RBX1: variants seen among roughly 807,000 people sequenced by gnomAD.
The protein encoded by RBX1 is E3 ubiquitin-protein ligase RBX1.
For missense variants in RBX1, 46 were observed against 141.4 expected (o/e 0.33, Z 3.42); for synonymous variants, 48 against 47.9 (o/e 1.00, Z -0.01).
At chr22:40,954,853 C>T (rs1292189412) in intron 2 of RBX1, among the ~76,000 whole-genome samples, 1 of 151,804 alleles carries the variant, frequency 6.6e-6, no homozygotes, top group Non-Finnish European at 1.5e-5. Context: ...GTGGCGTGAT[C>T]TCAGCTCACT....
At chr22:40,952,456 A>G (rs1272763248) in intron 1 of RBX1, among the ~76,000 whole-genome samples, 2 of 152,212 alleles carry the variant, frequency 1.3e-5, no homozygotes, top group African/African-American at 2.4e-5. Flanking sequence ...CTGCTCAGTT[A>G]CAGCCAGCAG....
intron 2 of RBX1, among the ~76,000 whole-genome samples, chr22:40,955,501 C>A (rs1297005465): frequency 6.6e-6 from 1 of 150,890 alleles, no homozygotes; most frequent in Non-Finnish European, 1.5e-5. Flanking sequence ...TTTACTTCAA[C>A]ATGTAATTGA....
In RBX1 at chr22:40,951,393, T is replaced by C; in HGVS notation, c.-6T>C. On this transcript the variant is annotated 5_prime_UTR_variant, in exon 1 of 5. Transcript: ENST00000216225. ...GTGGTCGGACGACAGACCGTGTGTT[T>C]CCAAAATGGCGGCAGCGATGGATGT... 6.2e-7 allele frequency: 1 copy of C among 1,612,530 alleles called. No individual in the cohort carries two copies. The highest frequency in any genetic ancestry group is 8.5e-7 in the Non-Finnish European group (1 of 1,179,112).
At chr22:40,952,309 C>T (rs1601533164) in intron 1 of RBX1, among the ~76,000 whole-genome samples, 1 of 152,244 alleles carries the variant, frequency 6.6e-6, no homozygotes, top group East Asian at 1.9e-4. Flanking sequence ...TTTGGGAGAA[C>T]AGTATCGATT....
intron 2 of RBX1, among the ~76,000 whole-genome samples, chr22:40,955,011 T>C (rs2058321397): frequency 6.6e-6 from 1 of 152,156 alleles, no homozygotes; most frequent in Non-Finnish European, 1.5e-5. Context: ...GGCCTCGAAC[T>C]CCTGACCTCG....
chr22:40,953,198 C>T (rs2058316169), intron 1 of RBX1, among the ~76,000 whole-genome samples: 2 of 152,080 alleles, frequency 1.3e-5, no homozygotes, highest in Non-Finnish European at 2.9e-5. Context: ...GCCATGTTGG[C>T]CAGGCTGGTC....
At chr22:40,965,108 C>G (rs545510084) in intron 3 of RBX1, among the ~76,000 whole-genome samples, 1 of 152,220 alleles carries the variant, frequency 6.6e-6, no homozygotes, top group African/African-American at 2.4e-5. Context: ...ATGGAGACAT[C>G]CTGGCTAACA....
intron 2 of RBX1, among the ~76,000 whole-genome samples, chr22:40,958,774 T>TTTGG (rs1555894158): frequency 6.9e-6 from 1 of 144,706 alleles, no homozygotes; most frequent in African/African-American, 2.5e-5. Flanking sequence ...TCCATCAGTA[T>TTTGG]TTTGGTTTGG....
At chr22:40,952,037 G>A (rs1248947414) in intron 1 of RBX1, among the ~76,000 whole-genome samples, 1 of 152,120 alleles carries the variant, frequency 6.6e-6, no homozygotes, top group Non-Finnish European at 1.5e-5. Flanking sequence ...GTTAGAGTCT[G>A]GAGTGTAATG....
In RBX1 at chr22:40,972,646, G is replaced by A. The variant is rs2058372214; in HGVS notation, c.*158G>A. 2 of 613,712 alleles carry A rather than the reference G, an allele frequency of 3.3e-6. 1 individual carries two copies. The highest frequency in any genetic ancestry group is 3.9e-5 in the South Asian group (2 of 51,204). The allele number at this position is 613,712 out of a possible 1,614,324, so 38.0% of individuals were successfully genotyped here. A position where few individuals can be genotyped will look rare whatever the true frequency, so the allele number is the denominator to read the frequency against. ...CATATTGTATTCTGTGTCAAATAAA[G>A]TCCAGTTGGATTCTGGAACGGATGC... On this transcript the variant is annotated 3_prime_UTR_variant, in exon 5 of 5. Coordinates refer to ENST00000216225, the MANE Select transcript of RBX1 (RefSeq NM_014248.4).
At chr22:40,959,121 A>G (rs930090872) in intron 2 of RBX1, among the ~76,000 whole-genome samples, 2 of 152,040 alleles carry the variant, frequency 1.3e-5, no homozygotes, top group Non-Finnish European at 2.9e-5. Context: ...CGGCCCCGTC[A>G]GTGTTTTGAA....
At chr22:40,960,739 C>A (rs1374807397) in intron 2 of RBX1, among the ~76,000 whole-genome samples, 1 of 152,036 alleles carries the variant, frequency 6.6e-6, no homozygotes. Context: ...TTCTTAAATA[C>A]ACTGCATAGA....
At chr22:40,954,190 A>T (rs1176336989) in intron 2 of RBX1, among the ~76,000 whole-genome samples, 1 of 151,342 alleles carries the variant, frequency 6.6e-6, no homozygotes, top group Non-Finnish European at 1.5e-5. Context: ...AATTGCTTGA[A>T]CCTGGGAGGC....
At chr22:40,972,093 TCAGGG>T (rs942463158) in intron 4 of RBX1, among the ~76,000 whole-genome samples, 1 of 152,140 alleles carries the variant, frequency 6.6e-6, no homozygotes, top group African/African-American at 2.4e-5. Context: ...GCCGCCATGA[TCAGGG>T]CAGCCCGAAA....
chr22:40,953,085 G>T (rs1001280378), intron 1 of RBX1, among the ~76,000 whole-genome samples: 2 of 139,260 alleles, frequency 1.4e-5, no homozygotes, highest in African/African-American at 5.2e-5. Context: ...CCGTCCCCCA[G>T]ATTCAAGCGA....
chr22:40,971,881 A>T (rs1033480535), intron 4 of RBX1, among the ~76,000 whole-genome samples: 7 of 152,074 alleles, frequency 4.6e-5, no homozygotes, highest in Admixed American at 6.6e-5. Flanking sequence ...TAATCTTCTT[A>T]GAGCCAAATT....
intron 3 of RBX1, chr22:40,964,434 C>A (rs2058348627): frequency 8.6e-6 from 2 of 231,302 alleles, no homozygotes; most frequent in South Asian, 1.2e-4. Flanking sequence ...CGTGGTAGAA[C>A]TTTGTACCTT....
At chr22:40,959,252 C>T (rs1438285241) in intron 2 of RBX1, among the ~76,000 whole-genome samples, 1 of 152,306 alleles carries the variant, frequency 6.6e-6, no homozygotes, top group East Asian at 1.9e-4. Context: ...TAGGCTTCTG[C>T]CTTGGCAGGG....
chr22:40,953,503 A>C, intron 1 of RBX1, 52 bp from the exon 2 acceptor site: 1 of 1,178,376 alleles, frequency 8.5e-7, no homozygotes. Context: ...CCTAAAGAGT[A>C]TGTGTGTGTG....
Sources: gnomAD v4.1 joint callset for allele counts (sites outside exome capture counted in the v4.1 genomes callset) on GRCh38, gnomAD v4.1.1 for gene constraint, MANE v1.5 for transcripts, NCBI Gene and HGNC (gene_info 2026-07-23, HGNC 2026-07-21) for gene names.